The following SCARB1 variants were observed in gnomAD, a reference collection of about 807,000 sequenced individuals.
SCARB1 encodes scavenger receptor class B member 1, also known as CD36 and LIMPII analogous 1.
A neutral mutation model predicts 57.2 loss-of-function variants in SCARB1; 30 were observed. The observed-to-expected ratio is 0.52, with a 90% CI of 0.39 to 0.71. The LOEUF is 0.71. Among genes scored for constraint, SCARB1 ranks in the 30% least tolerant of loss-of-function variants. The pLI is 0.00. For missense variants in SCARB1, 543 were observed against 671.2 expected (o/e 0.81, Z 2.11); for synonymous variants, 249 against 268.3 (o/e 0.93, Z 0.70).
At chr12:124,857,391 A>G (rs1186141889) in intron 1 of SCARB1, among the ~76,000 whole-genome samples, 2 of 152,190 alleles carry the variant, frequency 1.3e-5, no homozygotes, top group Non-Finnish European at 2.9e-5. Context: ...ATTGACAAAG[A>G]TTTCCCAAAA....
At chr12:124,831,015 A>T (rs7485628) in intron 1 of SCARB1, among the ~76,000 whole-genome samples, 1 of 144,042 alleles carries the variant, frequency 6.9e-6, no homozygotes, top group Non-Finnish European at 1.5e-5. Flanking sequence ...TTGCTCTGTC[A>T]CCCAGGCTGG....
At chr12:124,821,784 T>A (rs1267989166) in intron 1 of SCARB1, among the ~76,000 whole-genome samples, 1 of 152,132 alleles carries the variant, frequency 6.6e-6, no homozygotes, top group East Asian at 1.9e-4. Flanking sequence ...AAGTGACCCT[T>A]CCTCCTCTGC....
At position 124,863,734 on chromosome 12, in the gene SCARB1, G is replaced by A; in HGVS notation, c.-14C>T. The A allele has an allele frequency of 6.9e-7, 1 of 1,453,060 alleles. No individual in the cohort carries two copies. The highest frequency in any genetic ancestry group is 9.1e-7 in the Non-Finnish European group (1 of 1,101,538). The allele number at this position is 1,453,060 out of a possible 1,614,324, so 90.0% of individuals were successfully genotyped here. Reference sequence around the variant, plus strand: ...GGAGCAGCCCATGTCTGCGCGCCTGGGGCCCACCCGCGGCTCGCAGGGCTC... The same window carrying A: ...GGAGCAGCCCATGTCTGCGCGCCTGAGGCCCACCCGCGGCTCGCAGGGCTC... On this transcript the variant is annotated 5_prime_UTR_variant, in exon 1 of 13. Coordinates refer to ENST00000261693, the MANE Select transcript of SCARB1 (RefSeq NM_005505.5).
rs773915446 is a variant in SCARB1, at chr12:124,795,297, G to A, written c.1129-29C>T. ...CGGCAACAAACACAGTGAGGAGACT[G>A]GCCACCCCCAAGCTCCAGGGACACC... is the stretch of plus-strand genomic sequence containing the variant. On this transcript the variant is annotated intron_variant, in intron 8 of 12. Coordinates refer to ENST00000261693, the MANE Select transcript of SCARB1 (RefSeq NM_005505.5). 1.9e-6 allele frequency: 3 copies of A among 1,591,620 alleles called. No homozygotes were observed. In the East Asian group the frequency reaches 6.7e-5, roughly 36 times the overall value.
intron 1 of SCARB1, among the ~76,000 whole-genome samples, chr12:124,830,998 C>A (rs1283034930): frequency 8.9e-6 from 1 of 111,964 alleles, no homozygotes; most frequent in Non-Finnish European, 1.8e-5. Context: ...TTTTTTTAGA[C>A]GGAGTTTTGC....
chr12:124,791,793 TA>T lies in SCARB1; in HGVS notation c.1202+3401del, dbSNP rs964463363. 3.0e-4 allele frequency among the ~76,000 whole-genome samples: 46 copies of T among 152,110 alleles called. 1 individual carries two copies. The highest frequency in any genetic ancestry group is 1.1e-3 in the African/African-American group (44 of 41,452). On this transcript the variant is annotated intron_variant, in intron 9 of 12. Coordinates refer to ENST00000261693, the MANE Select transcript of SCARB1 (RefSeq NM_005505.5). The stretch of plus-strand genomic sequence containing the variant: ...CAACACAGTGAAACCCCGTCTCTAC[TA>T]AAAATACAAAAATTTGCTGGGCGTG...
chr12:124,792,165 A>T (rs1164622702), intron 9 of SCARB1, among the ~76,000 whole-genome samples: 1 of 152,134 alleles, frequency 6.6e-6, no homozygotes, highest in Non-Finnish European at 1.5e-5. Context: ...TTCAAGTAAC[A>T]TGCAACCCCA....
At chr12:124,803,749 G>A (rs1228733065) in intron 7 of SCARB1, among the ~76,000 whole-genome samples, 1 of 150,680 alleles carries the variant, frequency 6.6e-6, no homozygotes, top group African/African-American at 2.4e-5. Flanking sequence ...GCCAGGTATG[G>A]TGGTGTGTAC....
Position 124,863,709 on chromosome 12 carries a change from G to A in SCARB1, c.12C>T (p.Ser4=), listed in dbSNP as rs2070242. ...CCCCGGCAGCCCAGCGCGCTTTGGC[G>A]GAGCAGCCCATGTCTGCGCGCCTGG... MGC[S]AKARWAAGAL... Residue 4 remains serine (S), a synonymous_variant, in exon 1 of 13, where the codon TCC becomes TCT. Transcript: ENST00000261693. The A allele has an allele frequency of 5.3e-3, 8,063 of 1,529,510 alleles. 353 individuals are homozygous for A. In the African/African-American group the frequency reaches 0.099, roughly 19 times the overall value. 94.7% of individuals were successfully genotyped at this position (1,529,510 alleles called of 1,614,324 possible).
At position 124,814,286 on chromosome 12, in the gene SCARB1, G is replaced by A. The variant is rs1205305653; in HGVS notation, c.546C>T (p.Gly182=). 2 of 1,614,138 alleles carry A rather than the reference G, an allele frequency of 1.2e-6. No homozygotes were observed. The highest frequency in any genetic ancestry group is 2.2e-5 in the South Asian group (2 of 91,082). Residue 182 remains glycine (G), a synonymous_variant, in exon 4 of 13, where the codon GGC becomes GGT. Transcript: ENST00000261693. This position sits in a 1 kb window ranked among gnomAD's most constrained non-coding sequence, Gnocchi z 4.7. The part of the protein sequence containing the change: ...MNRTVGEIMW[G]YKDPLVNLIN... ...TGAGATTCACAAGGGGGTCCTTGTA[G>A]CCCCACATGATCTCACCCACAGTGC...
chr12:124,827,718 T>C (rs903485763), intron 1 of SCARB1, among the ~76,000 whole-genome samples: 3 of 152,138 alleles, frequency 2.0e-5, no homozygotes, highest in African/African-American at 7.2e-5. Context: ...AAACACGTGG[T>C]CAAATCCCTC....
At chr12:124,819,188 C>T (rs1950857514) in intron 1 of SCARB1, among the ~76,000 whole-genome samples, 1 of 151,536 alleles carries the variant, frequency 6.6e-6, no homozygotes, top group African/African-American at 2.4e-5. Context: ...CAACCTAGAC[C>T]CAAAATCAAA....
intron 1 of SCARB1, among the ~76,000 whole-genome samples, chr12:124,856,847 A>G (rs1281659380): frequency 1.3e-5 from 2 of 152,236 alleles, no homozygotes; most frequent in Non-Finnish European, 2.9e-5. Flanking sequence ...GGCTAGGAAC[A>G]GGTGGCCTCC....
intron 1 of SCARB1, among the ~76,000 whole-genome samples, chr12:124,861,288 T>C (rs1400808477): frequency 6.6e-6 from 1 of 152,212 alleles, no homozygotes; most frequent in Non-Finnish European, 1.5e-5. Context: ...TAATACCTAA[T>C]ACGATGTAAA....
intron 1 of SCARB1, among the ~76,000 whole-genome samples, chr12:124,831,687 C>A (rs1354999508): frequency 3.9e-5 from 6 of 152,208 alleles, no homozygotes; most frequent in African/African-American, 1.4e-4. Context: ...CCATCCTCCA[C>A]CTACCAGCAG....
intron 1 of SCARB1, among the ~76,000 whole-genome samples, chr12:124,852,476 C>T (rs1268289751): frequency 2.0e-5 from 3 of 152,212 alleles, no homozygotes; most frequent in Admixed American, 6.5e-5. Context: ...CACCCACAGC[C>T]ACAGAGACAG....
At chr12:124,811,787 G>A in intron 5 of SCARB1, 83 bp downstream of exon 5, 1 of 884,542 alleles carries the variant, frequency 1.1e-6, no homozygotes, top group Non-Finnish European at 1.9e-6. Context: ...GAGCTCTCTG[G>A]TCCCTGCCAC....
At chr12:124,827,183 C>T (rs998995213) in intron 1 of SCARB1, among the ~76,000 whole-genome samples, 5 of 152,088 alleles carry the variant, frequency 3.3e-5, no homozygotes, top group Admixed American at 2.6e-4. Flanking sequence ...CCGGGAGCAT[C>T]GGCAGACTCG....
At position 124,806,277 on chromosome 12, in the gene SCARB1, G is replaced by A. The variant is rs145772385; in HGVS notation, c.1009+1484C>T. ...GGAGGTAAAGCCATCTGGGCTTGTTGACGCACTGGAAGAGCTGGGTGAGGA... is the reference window on the plus strand; with the variant it reads ...GGAGGTAAAGCCATCTGGGCTTGTTAACGCACTGGAAGAGCTGGGTGAGGA... On this transcript the variant is annotated intron_variant, in intron 7 of 12. Coordinates refer to ENST00000261693, the MANE Select transcript of SCARB1 (RefSeq NM_005505.5). Among the ~76,000 whole-genome samples, 720 of 152,248 alleles carry A rather than the reference G, an allele frequency of 4.7e-3. 5 individuals are homozygous for A. The highest frequency in any genetic ancestry group is 0.017 in the African/African-American group (693 of 41,516).
Sources: allele counts gnomAD v4.1 joint callset (sites outside exome capture counted in the v4.1 genomes callset), GRCh38; gene constraint gnomAD v4.1.1; non-coding constraint Gnocchi (gnomAD v3.1); transcripts MANE v1.5; gene names NCBI Gene and HGNC (gene_info 2026-07-23, HGNC 2026-07-21).